RBM28: variants seen among roughly 807,000 people sequenced by gnomAD.
RBM28 encodes the protein RNA-binding protein 28.
In RBM28, 78 loss-of-function variants were observed where a neutral mutation model predicts 98.3. The observed-to-expected ratio is 0.79, with a 90% CI of 0.66 to 0.96. RBM28 has a LOEUF of 0.96. Among genes scored for constraint, RBM28 ranks in the 40% least tolerant of loss-of-function variants. The probability of loss-of-function intolerance (pLI) is 0.00; values close to 1 mark genes in which losing one functional copy is unlikely to be tolerated. For missense variants in RBM28, 838 were observed against 913.0 expected (o/e 0.92, Z 1.06); for synonymous variants, 306 against 330.9 (o/e 0.92, Z 0.82).
At position 128,343,822 on chromosome 7, in the gene RBM28, A is replaced by T. The variant is rs1181866519; in HGVS notation, c.-29T>A. ...ACCGGGAAACCCAAAGCGCGTGAGG[A>T]CGCGAGCAAACTAGGCCGGCGCACG... is the stretch of plus-strand genomic sequence containing the variant. On this transcript the variant is annotated 5_prime_UTR_variant, in exon 1 of 19. Transcript: ENST00000223073. 6.6e-7 allele frequency: 1 copy of T among 1,518,856 alleles called. No homozygotes were observed. Among genetic ancestry groups the T allele is most frequent in the East Asian group, 2.5e-5 (1 of 40,418 alleles). 94.1% of individuals were successfully genotyped at this position (1,518,856 alleles called of 1,614,324 possible). A position where few individuals can be genotyped will look rare whatever the true frequency, so the allele number is the denominator to read the frequency against.
At position 128,310,117 on chromosome 7, in the gene RBM28, A is replaced by C. The variant is rs1795949258; in HGVS notation, c.*680T>G. 1 of 153,158 alleles carries C rather than the reference A, an allele frequency of 6.5e-6. No homozygotes were observed. The highest frequency in any genetic ancestry group is 1.5e-5 in the Non-Finnish European group (1 of 68,788). 9.5% of individuals were successfully genotyped at this position (153,158 alleles called of 1,614,324 possible). A position where few individuals can be genotyped will look rare whatever the true frequency, so the allele number is the denominator to read the frequency against. ...GAAAAGGGAGGTGCTCTATGAGAGA[A>C]ATGCAGGTCATCGCTAACCAGGCTA... On this transcript the variant is annotated 3_prime_UTR_variant, in exon 19 of 19. Coordinates refer to ENST00000223073, the MANE Select transcript of RBM28 (RefSeq NM_018077.3).
chr7:128,342,636 G>C (rs891470234), intron 1 of RBM28, among the ~76,000 whole-genome samples: 4 of 151,886 alleles, frequency 2.6e-5, no homozygotes, highest in Admixed American at 6.6e-5. Context: ...AGCGGAGATC[G>C]TGGCACTGCA....
intron 16 of RBM28, among the ~76,000 whole-genome samples, chr7:128,315,530 G>C (rs571076808): frequency 6.6e-6 from 1 of 152,064 alleles, no homozygotes; most frequent in Non-Finnish European, 1.5e-5. Context: ...AAGCCAGACA[G>C]GGGAAAAATT....
In RBM28 at chr7:128,318,492, A is replaced by T. The variant is rs1796154047; in HGVS notation, c.1564-386T>A. Among the ~76,000 whole-genome samples the T allele has an allele frequency of 3.3e-5, 5 of 149,486 alleles. No homozygotes were observed. The South Asian group carries it at 1.1e-3, about 32-fold the overall frequency. ...CCTGTCTCAAAAAAAAAAAAAAAAA[A>T]TCAGGTTATTGAAACATAATCTTCA... On this transcript the variant is annotated intron_variant, in intron 14 of 18. Transcript: ENST00000223073.
intron 3 of RBM28, 109 bp downstream of exon 3, chr7:128,339,118 G>A: frequency 9.6e-7 from 1 of 1,041,974 alleles, no homozygotes; most frequent in Middle Eastern, 2.1e-4. Flanking sequence ...TTGATTCCCA[G>A]AAGGAATTAA....
chr7:128,335,520 C>T, intron 8 of RBM28, 23 bp downstream of exon 8: 3 of 1,614,046 alleles, frequency 1.9e-6, no homozygotes, highest in Non-Finnish European at 2.5e-6. Flanking sequence ...AGTCTAAAGA[C>T]ATTTATGAAA....
rs763008008 is a variant in RBM28 at position 128,339,841 on chromosome 7, G to A, written c.119-50C>T. On this transcript the variant is annotated intron_variant, in intron 1 of 18. Transcript: ENST00000223073. ...GTGGAGGGGCAGTGTGAAAAGGAGA[G>A]AGAATCATAAGCCAAGAGCACTAAA... 4 of 1,579,064 alleles carry A rather than the reference G, an allele frequency of 2.5e-6. No individual in the cohort carries two copies. In the Admixed American group the frequency reaches 6.9e-5, roughly 27 times the overall value.
At position 128,310,932 on chromosome 7, in the gene RBM28, C is replaced by T. The variant is rs1454274711; in HGVS notation, c.2146-1G>A. ...TTCCCTTAGCTTTTTTCCTAGATAC[C>T]TACAAATGAAAGGATTAGAAACATA... is the stretch of plus-strand genomic sequence containing the variant. On this transcript the variant is annotated splice_acceptor_variant, in intron 18 of 18. Coordinates refer to ENST00000223073, the MANE Select transcript of RBM28 (RefSeq NM_018077.3). LOFTEE classifies it high-confidence loss of function. 1.2e-6 allele frequency: 2 copies of T among 1,611,906 alleles called. No individual in the cohort carries two copies. Among genetic ancestry groups the T allele is most frequent in the Non-Finnish European group, 1.7e-6 (2 of 1,178,044 alleles).
intron 14 of RBM28, among the ~76,000 whole-genome samples, chr7:128,318,318 C>CTACAAAAAA (rs1212382532): frequency 6.6e-6 from 1 of 151,848 alleles, no homozygotes; most frequent in Non-Finnish European, 1.5e-5. Flanking sequence ...AACCTTGTCT[C>CTACAAAAAA]TACAAAAAAT....
chr7:128,337,333 G>A (rs2116386611), intron 5 of RBM28, 131 bp from the exon 6 acceptor site: 2 of 881,300 alleles, frequency 2.3e-6, no homozygotes, highest in East Asian at 2.6e-5. Context: ...GGGAATGCTG[G>A]TCTTAAAATA....
In RBM28 at chr7:128,313,234, T is replaced by A. The variant is rs1241987387; in HGVS notation, c.2086A>T (p.Lys696Ter). ...KGKVKPVHPK[K>*]PKPQINQWKQ... ...CACTGGTTTATCTGTGGCTTTGGCT[T>A]TTTGGGATGGACGGGCTTCACTTTG... Residue 696 changes from lysine to a stop codon, truncating the protein, a stop_gained, in exon 18 of 19, where the codon AAG becomes TAG. Coordinates refer to ENST00000223073, the MANE Select transcript of RBM28 (RefSeq NM_018077.3). LOFTEE classifies it high-confidence loss of function. The A allele has an allele frequency of 6.2e-7, 1 of 1,614,074 alleles. No homozygotes were observed. The highest frequency in any genetic ancestry group is 8.5e-7 in the Non-Finnish European group (1 of 1,180,040).
At chr7:128,327,543 C>T (rs1038842530) in intron 10 of RBM28, among the ~76,000 whole-genome samples, 2 of 151,934 alleles carry the variant, frequency 1.3e-5, no homozygotes, top group Non-Finnish European at 2.9e-5. Flanking sequence ...TCTTGTTGCC[C>T]AGGCTGGAGT....
chr7:128,321,233 G>A lies in RBM28; in HGVS notation c.1563+33C>T, dbSNP rs1796225716. ...GCTTGATCTGACCCAAGATCAGAAT[G>A]AAAGCTCCAAAATGGTCAGGGCCAC... On this transcript the variant is annotated intron_variant, in intron 14 of 18. Transcript: ENST00000223073. 4.3e-6 allele frequency: 7 copies of A among 1,613,462 alleles called. No individual in the cohort carries two copies. In the East Asian group the frequency reaches 8.9e-5, roughly 21 times the overall value.
At chr7:128,333,252 G>A in intron 9 of RBM28, 38 bp downstream of exon 9, 4 of 1,475,186 alleles carry the variant, frequency 2.7e-6, no homozygotes, top group Non-Finnish European at 3.8e-6. Context: ...GATCTATGAA[G>A]ACCACGCAAA....
At chr7:128,323,685 C>G in intron 12 of RBM28, 94 bp from the exon 13 acceptor site, 1 of 1,437,510 alleles carries the variant, frequency 7.0e-7, no homozygotes. Context: ...ACTCTTTGTA[C>G]AGGGCCCAGA....
rs1795799028 is a variant in RBM28, at chr7:128,302,760, G to C, written c.*8037C>G. 1 of 152,100 alleles carries C rather than the reference G, an allele frequency of 6.6e-6. No homozygotes were observed. Among genetic ancestry groups the C allele is most frequent in the Non-Finnish European group, 1.5e-5 (1 of 68,022 alleles). The allele number at this position is 152,100 out of a possible 1,614,324, so 9.4% of individuals were successfully genotyped here. A position where few individuals can be genotyped will look rare whatever the true frequency, so the allele number is the denominator to read the frequency against. ...GGAAAAGAAGCTGGTCAAGTAAAGGGTTTAATCCTTTTTTATTTTTATTAT... is the reference window on the plus strand; with the variant it reads ...GGAAAAGAAGCTGGTCAAGTAAAGGCTTTAATCCTTTTTTATTTTTATTAT... On this transcript the variant is annotated 3_prime_UTR_variant, in exon 19 of 19. Coordinates refer to ENST00000223073, the MANE Select transcript of RBM28 (RefSeq NM_018077.3).
At chr7:128,314,659 A>G (rs1269105047) in intron 17 of RBM28, 105 bp downstream of exon 17, 3 of 1,563,278 alleles carry the variant, frequency 1.9e-6, no homozygotes, top group Non-Finnish European at 2.6e-6. Flanking sequence ...AGCACCAAAC[A>G]TCCTTTTCAA....
rs1314978649 is a variant in RBM28 at position 128,310,656 on chromosome 7, A to G, written c.*141T>C. On this transcript the variant is annotated 3_prime_UTR_variant, in exon 19 of 19. Coordinates refer to ENST00000223073, the MANE Select transcript of RBM28 (RefSeq NM_018077.3). Reference sequence around the variant, plus strand: ...GATGGACCAAAGTTCAGATGTACACAGTCCAGGGCACCTCCGAGCACAGTG... The same window carrying G: ...GATGGACCAAAGTTCAGATGTACACGGTCCAGGGCACCTCCGAGCACAGTG... The G allele has an allele frequency of 4.7e-6, 5 of 1,073,808 alleles. No homozygotes were observed. In the African/African-American group the frequency reaches 6.2e-5, roughly 13 times the overall value. The allele number at this position is 1,073,808 out of a possible 1,614,324, so 66.5% of individuals were successfully genotyped here.
Position 128,299,547 on chromosome 7 carries a change from TA to T in RBM28, c.*11249del, listed in dbSNP as rs1795753847. 1 of 152,232 alleles carries T rather than the reference TA, an allele frequency of 6.6e-6. No individual in the cohort carries two copies. The highest frequency in any genetic ancestry group is 1.5e-5 in the Non-Finnish European group (1 of 68,044). 9.4% of individuals were successfully genotyped at this position (152,232 alleles called of 1,614,324 possible). ...AAAAACAACAACAGCACCTGATTAGTATAATGACATATGTTTCTCTTCACAG... is the reference window on the plus strand; with the variant it reads ...AAAAACAACAACAGCACCTGATTAGTTAATGACATATGTTTCTCTTCACAG... On this transcript the variant is annotated 3_prime_UTR_variant, in exon 19 of 19. Coordinates refer to ENST00000223073, the MANE Select transcript of RBM28 (RefSeq NM_018077.3).
Sources: allele counts gnomAD v4.1 joint callset (sites outside exome capture counted in the v4.1 genomes callset), GRCh38; gene constraint gnomAD v4.1.1; transcripts MANE v1.5; gene names NCBI Gene and HGNC (gene_info 2026-07-23, HGNC 2026-07-21).